Variants in DFFB observed in about 807,000 individuals in gnomAD.
DFFB encodes DNA fragmentation factor 40 kDa subunit.
DFFB carries 29 observed loss-of-function variants against 32.7 expected under a neutral mutation model. That is an observed-to-expected ratio of 0.89 (90% CI 0.66 to 1.21). DFFB has a LOEUF of 1.21. Among genes scored for constraint, DFFB ranks in the 50% most tolerant of loss-of-function variants. The probability of loss-of-function intolerance (pLI) is 0.00; values close to 1 mark genes in which losing one functional copy is unlikely to be tolerated. For missense variants in DFFB, 398 were observed against 440.6 expected (o/e 0.90, Z 0.87); for synonymous variants, 170 against 177.1 (o/e 0.96, Z 0.32).
At chr1:3,870,264 GTGGGGAGCAACT>G (rs1369950804) in intron 5 of DFFB, among the ~76,000 whole-genome samples, 4 of 152,220 alleles carry the variant, frequency 2.6e-5, no homozygotes, top group Non-Finnish European at 5.9e-5. Flanking sequence ...CTCCCATGGT[GTGGGGAGCAACT>G]TGAGGCGCCT....
intron 3 of DFFB, among the ~76,000 whole-genome samples, chr1:3,866,723 C>T (rs1303125448): frequency 1.3e-5 from 2 of 152,038 alleles, no homozygotes; most frequent in Admixed American, 6.6e-5. Context: ...TACATCACTC[C>T]CCCTTCCCCC....
intron 3 of DFFB, 103 bp downstream of exon 3, chr1:3,866,103 C>A: frequency 1.0e-6 from 1 of 991,964 alleles, no homozygotes. Flanking sequence ...TGGCCTGTAC[C>A]CTCGTGGGTT....
chr1:3,883,099 G>A lies in DFFB; in HGVS notation c.783-408G>A, dbSNP rs567685182. ...GCTCACTGCAACCTCCACCTCCAGG[G>A]TTCAAGTGATTCTCCTGCCTCAGCC... On this transcript the variant is annotated intron_variant, in intron 6 of 6. Transcript: ENST00000378209. Among the ~76,000 whole-genome samples, 6 of 151,760 alleles carry A rather than the reference G, an allele frequency of 4.0e-5. No homozygotes were observed. The South Asian group carries it at 8.4e-4, about 21-fold the overall frequency.
At chr1:3,867,820 T>G in intron 3 of DFFB, 154 bp from the exon 4 acceptor site, 1 of 707,720 alleles carries the variant, frequency 1.4e-6, no homozygotes, top group Non-Finnish European at 2.5e-6. Flanking sequence ...GCCACTGTAC[T>G]CCAGCCTGGA....
intron 5 of DFFB, 80 bp from the exon 6 acceptor site, chr1:3,872,392 A>G (rs1273014279): frequency 6.5e-6 from 7 of 1,070,248 alleles, no homozygotes; most frequent in Non-Finnish European, 9.8e-6. Flanking sequence ...CAGCCTGGCG[A>G]CAGAGCGAGG....
rs571628688 is a variant in DFFB, at chr1:3,866,104, C to T, written c.430+104C>T. On this transcript the variant is annotated intron_variant, in intron 3 of 6. Coordinates refer to ENST00000378209, the MANE Select transcript of DFFB (RefSeq NM_004402.4). ...CCCCAGTGAAGGGCTGGCCTGTACC[C>T]TCGTGGGTTGAGGTGGGGGACTTGG... 794 of 991,298 alleles carry T rather than the reference C, an allele frequency of 8.0e-4. 18 individuals carry two copies. The South Asian group carries it at 0.013, about 16-fold the overall frequency. 61.4% of individuals were successfully genotyped at this position (991,298 alleles called of 1,614,324 possible).
In DFFB at chr1:3,865,784, C is replaced by A; in HGVS notation, c.242-28C>A. Reference sequence around the variant, plus strand: ...CAGGATGTGTCTTCTGCTGGACCGGCACCTTTTGTTTGTCCCATTGGTGGC... The same window carrying A: ...CAGGATGTGTCTTCTGCTGGACCGGAACCTTTTGTTTGTCCCATTGGTGGC... On this transcript the variant is annotated intron_variant, in intron 2 of 6. Transcript: ENST00000378209. The surrounding 1 kb of genome is among the most constrained non-coding windows in gnomAD (Gnocchi z 4.7). The A allele has an allele frequency of 6.2e-7, 1 of 1,614,094 alleles. No homozygotes were observed. Among genetic ancestry groups the A allele is most frequent in the Non-Finnish European group, 8.5e-7 (1 of 1,180,044 alleles).
intron 1 of DFFB, 151 bp from the exon 2 acceptor site, chr1:3,858,567 T>C: frequency 1.0e-6 from 1 of 954,144 alleles, no homozygotes; most frequent in Admixed American, 2.5e-5. Context: ...CCCTCATCCT[T>C]GCCTGGGCGT....
intron 5 of DFFB, among the ~76,000 whole-genome samples, chr1:3,872,090 A>G (rs1645124914): frequency 6.6e-6 from 1 of 152,178 alleles, no homozygotes; most frequent in South Asian, 2.1e-4. Flanking sequence ...GCACGTCCAA[A>G]GCATGTCACT....
Position 3,857,516 on chromosome 1 carries a change from C to T in DFFB, c.-88C>T, listed in dbSNP as rs893954426. The T allele has an allele frequency of 1.1e-6, 1 of 944,046 alleles. No individual in the cohort carries two copies. 58.5% of individuals were successfully genotyped at this position (944,046 alleles called of 1,614,324 possible). On this transcript the variant is annotated 5_prime_UTR_variant, in exon 1 of 7. Coordinates refer to ENST00000378209, the MANE Select transcript of DFFB (RefSeq NM_004402.4). The stretch of plus-strand genomic sequence containing the variant: ...GCTTGCAGAGCTCACCAGGTGCAGA[C>T]CCCTGCGGCCAGGGCGAGGACGGAT...
In DFFB at chr1:3,865,553, C is replaced by T; in HGVS notation, c.242-259C>T. On this transcript the variant is annotated intron_variant, in intron 2 of 6. Transcript: ENST00000378209. The surrounding 1 kb of genome is among the most constrained non-coding windows in gnomAD (Gnocchi z 4.7). Reference sequence around the variant, plus strand: ...GGGAGGAGGCCAAATGGGAAAGCGGCCGTCTCTTGGTGCGCTTTCATCTGT... The same window carrying T: ...GGGAGGAGGCCAAATGGGAAAGCGGTCGTCTCTTGGTGCGCTTTCATCTGT... 1 of 595,632 alleles carries T rather than the reference C, an allele frequency of 1.7e-6. No individual in the cohort carries two copies. Among genetic ancestry groups the T allele is most frequent in the Non-Finnish European group, 3.0e-6 (1 of 330,932 alleles). The allele number at this position is 595,632 out of a possible 1,614,324, so 36.9% of individuals were successfully genotyped here. A position where few individuals can be genotyped will look rare whatever the true frequency, so the allele number is the denominator to read the frequency against.
intron 6 of DFFB, among the ~76,000 whole-genome samples, chr1:3,876,854 C>T (rs941312661): frequency 6.6e-6 from 1 of 152,238 alleles, no homozygotes; most frequent in Admixed American, 6.5e-5. Flanking sequence ...CTGAAGGGCG[C>T]GGGCCCTGGG....
intron 1 of DFFB, among the ~76,000 whole-genome samples, chr1:3,858,392 C>T (rs1345226624): frequency 6.6e-6 from 1 of 152,230 alleles, no homozygotes; most frequent in African/African-American, 2.4e-5. Flanking sequence ...CAGCTCCTGG[C>T]AGCAGGGAGG....
At chr1:3,858,523 G>C (rs1479184514) in intron 1 of DFFB, among the ~76,000 whole-genome samples, 195 bp from the exon 2 acceptor site, 1 of 152,236 alleles carries the variant, frequency 6.6e-6, no homozygotes, top group Non-Finnish European at 1.5e-5. Context: ...TCGTATTTTA[G>C]AACGGCCCGC....
Position 3,868,539 on chromosome 1 carries a change from A to G in DFFB, c.510+486A>G, listed in dbSNP as rs1284095498. On this transcript the variant is annotated intron_variant, in intron 4 of 6. Coordinates refer to ENST00000378209, the MANE Select transcript of DFFB (RefSeq NM_004402.4). ...TGGAGTCAGCTCTGCCCTCATTTCC[A>G]TCCACCCCATCGAATGTGGATTTCC... Among the ~76,000 whole-genome samples, 2 of 96,084 alleles carry G rather than the reference A, an allele frequency of 2.1e-5. 1 individual carries two copies. The highest frequency in any genetic ancestry group is 4.6e-4 in the East Asian group (2 of 4,350). The allele number at this position is 96,084 out of a possible 152,430, so 63.0% of individuals were successfully genotyped here. A position where few individuals can be genotyped will look rare whatever the true frequency, so the allele number is the denominator to read the frequency against.
rs374397595 is a variant in DFFB, at chr1:3,869,735, G to A, written c.641G>A (p.Gly214Asp). Residue 214 changes from glycine to aspartate, a missense_variant, in exon 5 of 7, where the codon GGC becomes GAC. By Grantham distance (94) the Gly-to-Asp change is moderately conservative. Transcript: ENST00000378209. ...GSYFDRGAKGGSRLCTPEGWF... is the reference protein window; with the variant it reads ...GSYFDRGAKGDSRLCTPEGWF... ...TACTTCGACAGAGGAGCCAAGGGCG[G>A]CAGCCGCCTCTGCACACCGGAAGGC... is the stretch of plus-strand genomic sequence containing the variant. 50 of 1,610,040 alleles carry A rather than the reference G, an allele frequency of 3.1e-5. No individual in the cohort carries two copies. The highest frequency in any genetic ancestry group is 4.1e-5 in the Non-Finnish European group (48 of 1,177,974).
rs1389986613 is a variant in DFFB at position 3,869,474 on chromosome 1, C to T, written c.511-131C>T. 3.1e-6 allele frequency: 3 copies of T among 966,584 alleles called. No homozygotes were observed. The East Asian group carries it at 7.6e-5, about 25-fold the overall frequency. The allele number at this position is 966,584 out of a possible 1,614,324, so 59.9% of individuals were successfully genotyped here. A position where few individuals can be genotyped will look rare whatever the true frequency, so the allele number is the denominator to read the frequency against. On this transcript the variant is annotated intron_variant, in intron 4 of 6. Coordinates refer to ENST00000378209, the MANE Select transcript of DFFB (RefSeq NM_004402.4). ...AGCAGTGGCCGAGAGGCCACGTGAA[C>T]TCAGACCCTCTGACCACAGGACTGG...
chr1:3,870,020 G>C (rs893109913), intron 5 of DFFB, among the ~76,000 whole-genome samples: 1 of 152,234 alleles, frequency 6.6e-6, no homozygotes, highest in Non-Finnish European at 1.5e-5. Flanking sequence ...GGCTTGTCTC[G>C]GTAGTGCTGG....
At chr1:3,859,711 T>C (rs761138142) in intron 2 of DFFB, among the ~76,000 whole-genome samples, 1 of 152,188 alleles carries the variant, frequency 6.6e-6, no homozygotes, top group Non-Finnish European at 1.5e-5. Context: ...TGCTCCAAGG[T>C]TGCAAACCCC....
Sources: allele counts gnomAD v4.1 joint callset (sites outside exome capture counted in the v4.1 genomes callset), GRCh38; gene constraint gnomAD v4.1.1; non-coding constraint Gnocchi (gnomAD v3.1); transcripts MANE v1.5; gene names NCBI Gene and HGNC (gene_info 2026-07-23, HGNC 2026-07-21).